SOX6: variants seen among roughly 807,000 people sequenced by gnomAD.
SOX6 encodes SRY-box transcription factor 6.
In SOX6, 11 loss-of-function variants were observed where a neutral mutation model predicts 97.8. That is an observed-to-expected ratio of 0.11 (90% CI 0.07 to 0.19). The LOEUF (loss-of-function observed/expected upper bound fraction) is 0.19, where lower values mean the gene tolerates loss of function less well. Among genes scored for constraint, SOX6 ranks in the 10% least tolerant of loss-of-function variants. SOX6 has a pLI of 1.00. For synonymous variants in SOX6, 360 were observed against 371.4 expected (o/e 0.97, Z 0.35); for missense variants, 810 against 1,039.5 (o/e 0.78, Z 3.04).
upstream of SOX6, among the ~76,000 whole-genome samples, chr11:16,360,675 A>C (rs953180547): frequency 6.6e-6 from 1 of 152,154 alleles, no homozygotes; most frequent in Non-Finnish European, 1.5e-5. Context: ...GGCTTAATAA[A>C]TAATGCGTTG....
chr11:16,402,833 A>G (rs1194020617), intron 1 of SOX6: 1 of 1,549,334 alleles, frequency 6.5e-7, no homozygotes, highest in Admixed American at 2.0e-5. Context: ...ATGACCTTTC[A>G]TCTTTCCTAT....
At chr11:16,693,557 G>A (rs900982616) in intron 3 of SOX6, among the ~76,000 whole-genome samples, 2 of 151,970 alleles carry the variant, frequency 1.3e-5, no homozygotes, top group Non-Finnish European at 2.9e-5. Flanking sequence ...ATATATAGAA[G>A]CTTTAACTTT....
chr11:16,665,045 G>C (rs891462784), intron 3 of SOX6, among the ~76,000 whole-genome samples: 2 of 151,790 alleles, frequency 1.3e-5, no homozygotes, highest in Admixed American at 6.6e-5. Context: ...AATCAGCAGG[G>C]GTAACCAGAC....
intron 4 of SOX6, among the ~76,000 whole-genome samples, chr11:16,583,119 T>C (rs1208209457): frequency 1.3e-5 from 2 of 152,070 alleles, no homozygotes; most frequent in African/African-American, 4.8e-5. Flanking sequence ...GCTTGGCACA[T>C]AATATATTCA....
At chr11:16,615,401 T>G (rs1264348837) in intron 3 of SOX6, among the ~76,000 whole-genome samples, 1 of 152,004 alleles carries the variant, frequency 6.6e-6, no homozygotes, top group Non-Finnish European at 1.5e-5. Context: ...ACACATGAAG[T>G]TTAACATAAC....
chr11:16,440,847 T>C (rs771770608), intron 1 of SOX6, among the ~76,000 whole-genome samples: 2 of 152,100 alleles, frequency 1.3e-5, no homozygotes, highest in Non-Finnish European at 2.9e-5. Context: ...GAATACAAGT[T>C]TCCTGCTCCA....
At chr11:16,649,649 A>G (rs1247799885) in intron 3 of SOX6, among the ~76,000 whole-genome samples, 1 of 152,174 alleles carries the variant, frequency 6.6e-6, no homozygotes, top group Admixed American at 6.6e-5. Flanking sequence ...AAAGAACCTC[A>G]AAATACACCA....
chr11:16,091,755 A>G (rs1242783223), intron 9 of SOX6, among the ~76,000 whole-genome samples: 1 of 151,840 alleles, frequency 6.6e-6, no homozygotes, highest in Non-Finnish European at 1.5e-5. Flanking sequence ...CTTTCCTCAA[A>G]TCTCCCCTAA....
chr11:16,204,079 T>C (rs1852008275), intron 4 of SOX6, among the ~76,000 whole-genome samples: 1 of 151,822 alleles, frequency 6.6e-6, no homozygotes, highest in Non-Finnish European at 1.5e-5. Flanking sequence ...CAAAACATCA[T>C]ATTGTACACA....
intron 4 of SOX6, among the ~76,000 whole-genome samples, chr11:16,520,325 A>G (rs1252048763): frequency 6.6e-6 from 1 of 152,122 alleles, no homozygotes; most frequent in African/African-American, 2.4e-5. Flanking sequence ...ATTTTTATAG[A>G]TTCAGGTCTT....
At chr11:16,269,768 TATTA>T (rs1332494807) in intron 3 of SOX6, among the ~76,000 whole-genome samples, 2 of 151,290 alleles carry the variant, frequency 1.3e-5, no homozygotes, top group African/African-American at 4.8e-5. Flanking sequence ...CTACAAAAGC[TATTA>T]ATTGTTGTAT....
At chr11:16,379,401 G>A (rs1403108435) in intron 1 of SOX6, among the ~76,000 whole-genome samples, 1 of 152,062 alleles carries the variant, frequency 6.6e-6, no homozygotes, top group Admixed American at 6.6e-5. Context: ...GGGAGGCAGA[G>A]GTTGTGGTGA....
At chr11:16,262,055 C>T (rs1217827327) in intron 3 of SOX6, among the ~76,000 whole-genome samples, 10 of 151,998 alleles carry the variant, frequency 6.6e-5, no homozygotes, top group Admixed American at 6.6e-4. Context: ...CAACAGCTCC[C>T]TAAACAGCTT....
chr11:16,532,749 A>C (rs1861254754), intron 4 of SOX6, among the ~76,000 whole-genome samples: 1 of 151,970 alleles, frequency 6.6e-6, no homozygotes, highest in African/African-American at 2.4e-5. Flanking sequence ...GCAAGGTTCA[A>C]AAATATCCTA....
At chr11:16,601,241 G>C (rs999606805) in intron 4 of SOX6, among the ~76,000 whole-genome samples, 3 of 152,014 alleles carry the variant, frequency 2.0e-5, no homozygotes, top group Admixed American at 2.0e-4. Flanking sequence ...ATGGTAATAT[G>C]GCCTATCTAA....
In SOX6 at chr11:16,661,442, A is replaced by G. The variant is rs181385834; in HGVS notation, n.430-49182T>C. 1.7e-3 allele frequency among the ~76,000 whole-genome samples: 266 copies of G among 152,240 alleles called. 1 individual carries two copies. Among genetic ancestry groups the G allele is most frequent in the Admixed American group, 3.1e-3 (48 of 15,292 alleles). On this transcript the variant is annotated intron_variant and non_coding_transcript_variant, in intron 3 of 5. Coordinates refer to the SOX6 transcript ENST00000524520. ...ACAATCACATTTAAAGTGATTATTG[A>G]TGTATTTGGATTAACATCTACCATA...
chr11:16,501,768 T>C (rs1860712777), intron 4 of SOX6, among the ~76,000 whole-genome samples: 1 of 152,274 alleles, frequency 6.6e-6, no homozygotes, highest in African/African-American at 2.4e-5. Flanking sequence ...TGAGATACCA[T>C]CTTACACCAG....
intron 4 of SOX6, among the ~76,000 whole-genome samples, chr11:16,574,002 G>A (rs992539602): frequency 1.3e-5 from 2 of 152,100 alleles, no homozygotes; most frequent in African/African-American, 4.8e-5. Flanking sequence ...AATAACTGGA[G>A]AGAGAAAATA....
At chr11:16,140,285 C>A (rs1213734946) in intron 6 of SOX6, among the ~76,000 whole-genome samples, 1 of 152,096 alleles carries the variant, frequency 6.6e-6, no homozygotes, top group Non-Finnish European at 1.5e-5. Context: ...TGCTTAATGG[C>A]ATTTCAACTG....
Sources: allele counts gnomAD v4.1 joint callset (sites outside exome capture counted in the v4.1 genomes callset), GRCh38; gene constraint gnomAD v4.1.1; transcripts MANE v1.5; gene names NCBI Gene and HGNC (gene_info 2026-07-23, HGNC 2026-07-21).